GPRC6A: variants seen among roughly 807,000 people sequenced by gnomAD.
GPRC6A encodes G protein-coupled receptor class C group 6 member A.
A neutral mutation model predicts 47.0 loss-of-function variants in GPRC6A; 54 were observed. The observed-to-expected ratio is 1.15, with a 90% CI of 0.92 to 1.44. GPRC6A has a LOEUF of 1.44. GPRC6A is among the 40% of genes most tolerant of loss of function. The pLI, the probability that GPRC6A is intolerant of heterozygous loss-of-function variation, is 0.00. For missense variants in GPRC6A, 1,112 were observed against 1,105.5 expected, an observed-to-expected ratio of 1.01 and a Z score of -0.08; for synonymous variants, 347 against 377.1, an observed-to-expected ratio of 0.92 and a Z score of 0.93.
At chr6:116,794,282 T>G (rs1299326069) in intron 5 of GPRC6A, among the ~76,000 whole-genome samples, 1 of 152,208 alleles carries the variant, frequency 6.6e-6, no homozygotes, top group African/African-American at 2.4e-5. Flanking sequence ...CTCCTCCTCT[T>G]TCCGAACTCT....
At position 116,816,530 on chromosome 6, in the gene GPRC6A, G is replaced by A. The variant is rs1773212248; in HGVS notation, c.195-6913C>T. 1.3e-5 allele frequency among the ~76,000 whole-genome samples: 2 copies of A among 152,234 alleles called. 1 individual carries two copies. The highest frequency in any genetic ancestry group is 4.1e-4 in the South Asian group (2 of 4,830). ...CTCAATAAATCATTCTTCTGAGGGA[G>A]GAGCCAAGATGGCCGAATAGGAACA... On this transcript the variant is annotated intron_variant, in intron 1 of 5. Coordinates refer to ENST00000310357, the MANE Select transcript of GPRC6A (RefSeq NM_148963.4).
Position 116,809,316 on chromosome 6 carries a change from G to C in GPRC6A, c.496C>G (p.Gln166Glu). The change falls in exon 2 of 6, where the codon CAG (glutamine) becomes GAG (glutamate). Residue 166 changes from glutamine to glutamate, a missense_variant and splice_region_variant. Physicochemically the swap from Gln to Glu is conservative, Grantham distance 29. Transcript: ENST00000310357. ...SRMLNLQLMP[Q>E]VGYESTAEIL... ...TTTGGAGGTAGCACAAAACCTACCT[G>C]TGGCATGAGCTGTAAATTCAACATC... is the stretch of plus-strand genomic sequence containing the variant. 6.2e-7 allele frequency: 1 copy of C among 1,610,292 alleles called. No homozygotes were observed. Among genetic ancestry groups the C allele is most frequent in the Non-Finnish European group, 8.5e-7 (1 of 1,177,190 alleles).
chr6:116,794,313 C>T (rs1211266456), intron 5 of GPRC6A, among the ~76,000 whole-genome samples: 1 of 152,180 alleles, frequency 6.6e-6, no homozygotes, highest in Non-Finnish European at 1.5e-5. Flanking sequence ...AAAATCTGTT[C>T]TTTTCTGTTT....
upstream of GPRC6A, chr6:116,829,093 A>G: frequency 6.6e-7 from 1 of 1,505,006 alleles, no homozygotes; most frequent in Non-Finnish European, 8.9e-7. Flanking sequence ...TTCCTATTTC[A>G]CCTGTAAACA....
intron 1 of GPRC6A, among the ~76,000 whole-genome samples, chr6:116,816,696 G>A (rs1464716757): frequency 3.3e-5 from 5 of 152,228 alleles, no homozygotes; most frequent in African/African-American, 4.8e-5. Flanking sequence ...TGCGCGAACC[G>A]AAGCAGGGCG....
chr6:116,810,457 T>C (rs948637289), intron 1 of GPRC6A, among the ~76,000 whole-genome samples: 1 of 152,110 alleles, frequency 6.6e-6, no homozygotes, highest in Non-Finnish European at 1.5e-5. Flanking sequence ...TTCACTGATA[T>C]AGCCAGATTA....
Position 116,806,911 on chromosome 6 carries a change from A to AT in GPRC6A, c.793dup (p.Ile265AsnfsTer8). ...GACATTAACCTGGGCTTCTAAAATG[A>AT]TTTTCTTCAGTGTCCGATTGATTCT... On this transcript the variant is annotated frameshift_variant, in exon 3 of 6. Coordinates refer to ENST00000310357, the MANE Select transcript of GPRC6A (RefSeq NM_148963.4). LOFTEE classifies it high-confidence loss of function. The AT allele has an allele frequency of 6.2e-7, 1 of 1,613,654 alleles. No individual in the cohort carries two copies. Among genetic ancestry groups the AT allele is most frequent in the Non-Finnish European group, 8.5e-7 (1 of 1,179,784 alleles).
Position 116,828,990 on chromosome 6 carries a change from A to T in GPRC6A, c.24T>A (p.Ile8=). The T allele has an allele frequency of 1.2e-6, 2 of 1,612,080 alleles. No homozygotes were observed. The highest frequency in any genetic ancestry group is 1.7e-6 in the Non-Finnish European group (2 of 1,178,880). The change falls in exon 1 of 6, where the codon ATT becomes ATA. Residue 8 remains isoleucine, a synonymous_variant. Coordinates refer to ENST00000310357, the MANE Select transcript of GPRC6A (RefSeq NM_148963.4). ...TAGCAAGAATAATCACAAAGCAGGT[A>T]ATTAGTATAATTAAGAATGCCATGT... MAFLIIL[I]TCFVIILATS... is the part of the protein sequence containing the mutation.
chr6:116,808,444 GATAA>G (rs963690117), intron 2 of GPRC6A, among the ~76,000 whole-genome samples: 12 of 152,176 alleles, frequency 7.9e-5, no homozygotes, highest in African/African-American at 2.9e-4. Flanking sequence ...TGATGTATTT[GATAA>G]ATAGTTCTTT....
At chr6:116,796,317 A>G (rs927378302) in intron 4 of GPRC6A, among the ~76,000 whole-genome samples, 15 of 152,116 alleles carry the variant, frequency 9.9e-5, no homozygotes, top group Admixed American at 2.0e-4. Flanking sequence ...TTAAAATAAA[A>G]TTTAAAATTT....
In GPRC6A at chr6:116,806,579, T is replaced by C. The variant is rs1772845917; in HGVS notation, c.1126A>G (p.Ile376Val). The part of the protein sequence containing the change: ...YVKDTDLSQC[I>V]FNHSQRTLAY... ...AAAGTCCTTTGAGAATGATTGAATA[T>C]GCATTGACTCAAATCAGTGTCCTTG... The change falls in exon 3 of 6, where the codon ATA becomes GTA. Residue 376 changes from isoleucine (I) to valine (V), a missense_variant. Physicochemically the swap from Ile to Val is conservative, Grantham distance 29 (BLOSUM62 3). Coordinates refer to ENST00000310357, the MANE Select transcript of GPRC6A (RefSeq NM_148963.4). 13 of 1,613,520 alleles carry C rather than the reference T, an allele frequency of 8.1e-6. No individual in the cohort carries two copies. Among genetic ancestry groups the C allele is most frequent in the Admixed American group, 1.7e-5 (1 of 59,856 alleles).
At chr6:116,808,666 T>C (rs1772929194) in intron 2 of GPRC6A, among the ~76,000 whole-genome samples, 1 of 152,186 alleles carries the variant, frequency 6.6e-6, no homozygotes, top group Non-Finnish European at 1.5e-5. Context: ...ATCATCTGAA[T>C]ATAAGCCTTT....
chr6:116,817,120 C>T (rs1398081654), intron 1 of GPRC6A, among the ~76,000 whole-genome samples: 2 of 152,000 alleles, frequency 1.3e-5, no homozygotes, highest in Non-Finnish European at 2.9e-5. Flanking sequence ...GTAACCTCTG[C>T]AGACTTAAAT....
At chr6:116,803,363 C>T (rs1772736819) in intron 3 of GPRC6A, among the ~76,000 whole-genome samples, 1 of 152,070 alleles carries the variant, frequency 6.6e-6, no homozygotes, top group Non-Finnish European at 1.5e-5. Flanking sequence ...TATCATATCA[C>T]TCTTCTGCCT....
chr6:116,809,501 G>A lies in GPRC6A; in HGVS notation c.311C>T (p.Thr104Ile). 1.2e-6 allele frequency: 2 copies of A among 1,613,520 alleles called. No homozygotes were observed. Among genetic ancestry groups the A allele is most frequent in the East Asian group, 2.2e-5 (1 of 44,876 alleles). ...GGCTGCCATTGCCACTGTGACTTCTGTACAAGTGTCATAGATTTCATACCC... is the reference window on the plus strand; with the variant it reads ...GGCTGCCATTGCCACTGTGACTTCTATACAAGTGTCATAGATTTCATACCC... ...KLGYEIYDTC[T>I]EVTVAMAATL... The change falls in exon 2 of 6, where the codon ACA becomes ATA. Residue 104 changes from threonine to isoleucine, a missense_variant. Thr to Ile is a moderately conservative substitution (Grantham distance 89). Transcript: ENST00000310357.
At chr6:116,817,810 G>A (rs1164852970) in intron 1 of GPRC6A, among the ~76,000 whole-genome samples, 2 of 152,138 alleles carry the variant, frequency 1.3e-5, no homozygotes, top group Non-Finnish European at 2.9e-5. Context: ...ATGAAATGAA[G>A]CGAGAAGGGA....
intron 4 of GPRC6A, 70 bp from the exon 5 acceptor site, chr6:116,795,905 G>T (rs1387030757): frequency 9.8e-7 from 1 of 1,024,296 alleles, no homozygotes; most frequent in Non-Finnish European, 1.4e-6. Context: ...GATTATCCTC[G>T]GCTTAACTTA....
chr6:116,801,020 G>A (rs1327773614), intron 3 of GPRC6A, among the ~76,000 whole-genome samples: 1 of 152,118 alleles, frequency 6.6e-6, no homozygotes, highest in African/African-American at 2.4e-5. Flanking sequence ...ATAAATTTGG[G>A]AAAGCAAGTT....
rs1232353063 is a variant in GPRC6A at position 116,792,572 on chromosome 6, A to T, written c.2351T>A (p.Ile784Asn). The change falls in exon 6 of 6, where the codon ATT becomes AAT. Residue 784 changes from isoleucine to asparagine, a missense_variant. Physicochemically the swap from Ile to Asn is moderately radical, Grantham distance 149. Transcript: ENST00000310357. ...GAAGTAAATGAGCATGCCAAATGTA[A>T]TGAATTTGGCTTCATTGTAATTCTC... ...KYENYNEAKF[I>N]TFGMLIYFIA... 1 of 1,610,850 alleles carries T rather than the reference A, an allele frequency of 6.2e-7. No homozygotes were observed. The highest frequency in any genetic ancestry group is 1.1e-5 in the South Asian group (1 of 90,902).
Sources: allele counts gnomAD v4.1 joint callset (sites outside exome capture counted in the v4.1 genomes callset), GRCh38; gene constraint gnomAD v4.1.1; transcripts MANE v1.5; gene names NCBI Gene and HGNC (gene_info 2026-07-23, HGNC 2026-07-21).